ZNF48: variants seen among roughly 807,000 people sequenced by gnomAD.
The protein encoded by ZNF48 is zinc finger protein 48.
Under a neutral mutation model 40.0 loss-of-function variants are expected in ZNF48, and 20 were observed. The ratio of observed to expected loss-of-function variants is 0.50; its 90% CI spans 0.35 to 0.73. The LOEUF is 0.73. ZNF48 is among the 30% of genes least tolerant of loss of function. ZNF48 has a pLI of 0.01. For synonymous variants in ZNF48, 298 were observed against 329.7 expected (o/e 0.90, Z 1.04); for missense variants, 726 against 851.9 (o/e 0.85, Z 1.84).
At chr16:30,380,818 C>T in intron 1 of ZNF48, 1 of 401,580 alleles carries the variant, frequency 2.5e-6, no homozygotes, top group Non-Finnish European at 4.6e-6. Context: ...TAAGCAGAAA[C>T]AGTGGGAAAG....
At position 30,383,557 on chromosome 16, in the gene ZNF48, A is replaced by C. The variant is rs563593095; in HGVS notation, c.-16+5147A>C. Among the ~76,000 whole-genome samples the C allele has an allele frequency of 3.0e-3, 454 of 152,316 alleles. 2 individuals carry two copies. The highest frequency in any genetic ancestry group is 4.6e-3 in the Non-Finnish European group (316 of 68,022). On this transcript the variant is annotated intron_variant, in intron 1 of 2. Coordinates refer to the ZNF48 transcript ENST00000528032. ...CCATGATGGGATTGGGAGTGGGTGA[A>C]GCCATACATTTTCCAGCTCAGACAA...
chr16:30,381,893 G>T lies in ZNF48; in HGVS notation c.-16+3483G>T, dbSNP rs768062058. Reference sequence around the variant, plus strand: ...GTCTGTGTCAAGCGAGCTGTGGGATGGGGGAGAGGTCAGGGATCCGGGGAG... The same window carrying T: ...GTCTGTGTCAAGCGAGCTGTGGGATTGGGGAGAGGTCAGGGATCCGGGGAG... On this transcript the variant is annotated intron_variant, in intron 1 of 2. Coordinates refer to the ZNF48 transcript ENST00000528032. The surrounding 1 kb of genome is among the most constrained non-coding windows in gnomAD (Gnocchi z 4.3). The T allele has an allele frequency of 3.7e-6, 6 of 1,613,862 alleles. No individual in the cohort carries two copies. The highest frequency in any genetic ancestry group is 5.1e-6 in the Non-Finnish European group (6 of 1,179,970).
At chr16:30,378,570 C>T in intron 1 of ZNF48, 1 of 1,608,670 alleles carries the variant, frequency 6.2e-7, no homozygotes. Flanking sequence ...CAGAGGGGGA[C>T]CTGGGGCATC....
intron 1 of ZNF48, among the ~76,000 whole-genome samples, chr16:30,385,258 T>C (rs898608461): frequency 6.6e-6 from 1 of 151,694 alleles, no homozygotes; most frequent in African/African-American, 2.4e-5. Flanking sequence ...GGGATCATGT[T>C]ACCTCTCAGC....
At position 30,398,519 on chromosome 16, in the gene ZNF48, T is replaced by C; in HGVS notation, c.1269T>C (p.Pro423=). The C allele has an allele frequency of 1.3e-6, 2 of 1,597,168 alleles. No homozygotes were observed. The highest frequency in any genetic ancestry group is 8.5e-7 in the Non-Finnish European group (1 of 1,172,000). Residue 423 remains proline (P), a synonymous_variant, in exon 3 of 3, where the codon CCT becomes CCC. Coordinates refer to ENST00000613509, the MANE Select transcript of ZNF48 (RefSeq NM_001214909.2). The surrounding 1 kb of genome is among the most constrained non-coding windows in gnomAD (Gnocchi z 6.6). ...TPRSPSHSGE[P]FGLPGLEPEP... ...GAAGTCCCTCACACTCGGGTGAGCC[T>C]TTTGGCCTGCCTGGCTTGGAGCCAG...
chr16:30,398,020 C>T lies in ZNF48; in HGVS notation c.770C>T (p.Pro257Leu), dbSNP rs1486016907. ...CGACCAGTGGTGCCCCGACGGCAGC[C>T]ATCTCGGGCAGCCACGGCAGCTACC... Reference protein sequence around the residue: ...PPRPVVPRRQPSRAATAATQG... With the variant: ...PPRPVVPRRQLSRAATAATQG... Residue 257 changes from proline to leucine, a missense_variant, in exon 3 of 3, where the codon CCA (proline) becomes CTA (leucine). Pro to Leu is a moderately conservative substitution (Grantham distance 98). Transcript: ENST00000613509. This position sits in a 1 kb window ranked among gnomAD's most constrained non-coding sequence, Gnocchi z 6.6. 21 of 1,612,694 alleles carry T rather than the reference C, an allele frequency of 1.3e-5. No individual in the cohort carries two copies. The highest frequency in any genetic ancestry group is 1.7e-5 in the Non-Finnish European group (20 of 1,179,276).
intron 1 of ZNF48, among the ~76,000 whole-genome samples, chr16:30,387,429 C>G (rs2049910580): frequency 6.8e-6 from 1 of 147,352 alleles, no homozygotes; most frequent in South Asian, 2.1e-4. Flanking sequence ...GTGGCGCATG[C>G]CTGTAATCCC....
At chr16:30,395,393 G>T (rs781019897), upstream of ZNF48, 4 of 393,276 alleles carry the variant, frequency 1.0e-5, no homozygotes, top group South Asian at 7.0e-5. This position sits in a 1 kb window ranked among gnomAD's most constrained non-coding sequence, Gnocchi z 5.9. Flanking sequence ...GAGCGGCTCC[G>T]TGCGGCCCCG....
At position 30,398,248 on chromosome 16, in the gene ZNF48, G is replaced by C; in HGVS notation, c.998G>C (p.Cys333Ser). 6.2e-7 allele frequency: 1 copy of C among 1,613,468 alleles called. No homozygotes were observed. Among genetic ancestry groups the C allele is most frequent in the Non-Finnish European group, 8.5e-7 (1 of 1,180,022 alleles). Residue 333 changes from cysteine to serine, a missense_variant, in exon 3 of 3, where the codon TGC becomes TCC. By Grantham distance (112) the Cys-to-Ser change is moderately radical. Around this residue, in one of 5 missense-constraint regions of ZNF48, gnomAD observed 378 missense variants for 449.1 expected, o/e 0.84. Coordinates refer to ENST00000613509, the MANE Select transcript of ZNF48 (RefSeq NM_001214909.2). The surrounding 1 kb of genome is among the most constrained non-coding windows in gnomAD (Gnocchi z 6.6). The stretch of plus-strand genomic sequence containing the variant: ...CACACGGGTGAGAAGCCCTACCTCT[G>C]CCCAGAGTGCGGCAAAGGTTTCGCG... ...RVHTGEKPYLCPECGKGFADS... is the reference protein window; with the variant it reads ...RVHTGEKPYLSPECGKGFADS...
At chr16:30,379,242 G>C in intron 1 of ZNF48, 1 of 1,594,602 alleles carries the variant, frequency 6.3e-7, no homozygotes, top group South Asian at 1.1e-5. Context: ...CAACCCACCC[G>C]TAAGGGTCGG....
chr16:30,388,256 G>A (rs570567252), intron 1 of ZNF48, among the ~76,000 whole-genome samples: 5 of 152,196 alleles, frequency 3.3e-5, no homozygotes, highest in Admixed American at 2.0e-4. Context: ...TTACAGGTGT[G>A]AGCCACCACG....
Position 30,390,359 on chromosome 16 carries a change from C to T in ZNF48, c.-15-5421C>T, listed in dbSNP as rs533045127. 7.2e-5 allele frequency among the ~76,000 whole-genome samples: 11 copies of T among 152,152 alleles called. No individual in the cohort carries two copies. In the East Asian group the frequency reaches 2.1e-3, roughly 29 times the overall value. On this transcript the variant is annotated intron_variant, in intron 1 of 2. Coordinates refer to the ZNF48 transcript ENST00000528032. ...CAAATGCCCAGTACCTGATGGATACCCAGGAAATGTTTGTGGAACAAATGA... is the reference window on the plus strand; with the variant it reads ...CAAATGCCCAGTACCTGATGGATACTCAGGAAATGTTTGTGGAACAAATGA...
Position 30,382,321 on chromosome 16 carries a change from G to T in ZNF48, c.-16+3911G>T, listed in dbSNP as rs748260170. 3 of 1,613,862 alleles carry T rather than the reference G, an allele frequency of 1.9e-6. No individual in the cohort carries two copies. In the Admixed American group the frequency reaches 5.0e-5, roughly 27 times the overall value. On this transcript the variant is annotated intron_variant, in intron 1 of 2. Transcript: ENST00000528032. The surrounding 1 kb of genome is among the most constrained non-coding windows in gnomAD (Gnocchi z 4.8). ...CAAACCCCTTCTTGACAGACTTGCG[G>T]TGCAGCTGGTTGGGGAGGGCAGCAA...
In ZNF48 at chr16:30,381,050, T is replaced by A. The variant is rs1209938153; in HGVS notation, c.-16+2640T>A. On this transcript the variant is annotated intron_variant, in intron 1 of 2. Coordinates refer to the ZNF48 transcript ENST00000528032. This position sits in a 1 kb window ranked among gnomAD's most constrained non-coding sequence, Gnocchi z 4.3. Reference sequence around the variant, plus strand: ...ATGCACCATGCTCCAGAAAGGCCACTTCAAGATCAAAGAAGTCTAAGCTGA... The same window carrying A: ...ATGCACCATGCTCCAGAAAGGCCACATCAAGATCAAAGAAGTCTAAGCTGA... The A allele has an allele frequency of 8.3e-7, 1 of 1,211,896 alleles. No individual in the cohort carries two copies. Among genetic ancestry groups the A allele is most frequent in the Non-Finnish European group, 1.2e-6 (1 of 814,394 alleles). 75.1% of individuals were successfully genotyped at this position (1,211,896 alleles called of 1,614,324 possible).
rs746448381 is a variant in ZNF48 at position 30,387,242 on chromosome 16, C to CT, written c.-15-8522dup. ...ACAGGCGTGAGCCACCGCGCCCGGC[C>CT]TTTTTTTTTTTTTTTTAAAGACAGT... On this transcript the variant is annotated intron_variant, in intron 1 of 2. Transcript: ENST00000528032. Among the ~76,000 whole-genome samples, 177 of 132,916 alleles carry CT rather than the reference C, an allele frequency of 1.3e-3. 1 individual carries two copies. The highest frequency in any genetic ancestry group is 2.0e-3 in the African/African-American group (73 of 36,958). The allele number at this position is 132,916 out of a possible 152,430, so 87.2% of individuals were successfully genotyped here. A position where few individuals can be genotyped will look rare whatever the true frequency, so the allele number is the denominator to read the frequency against.
chr16:30,395,405 G>C (rs2049972444), upstream of ZNF48: 2 of 374,082 alleles, frequency 5.3e-6, no homozygotes, highest in East Asian at 1.4e-4. This position sits in a 1 kb window ranked among gnomAD's most constrained non-coding sequence, Gnocchi z 5.9. Context: ...GCGGCCCCGC[G>C]CTTCCGCTTC....
upstream of ZNF48, among the ~76,000 whole-genome samples, chr16:30,394,131 A>C (rs566592955): frequency 6.6e-6 from 1 of 151,812 alleles, no homozygotes; most frequent in Non-Finnish European, 1.5e-5. Flanking sequence ...TTGAATGCCC[A>C]GGTTCAGGGA....
At chr16:30,379,017 C>T in intron 1 of ZNF48, 5 of 1,612,690 alleles carry the variant, frequency 3.1e-6, no homozygotes, top group Non-Finnish European at 4.2e-6. Flanking sequence ...CCGGGTCTCA[C>T]CTGCGGCTGG....
chr16:30,385,176 AAAT>A (rs71149012), intron 1 of ZNF48, among the ~76,000 whole-genome samples: 28,844 of 140,546 alleles, frequency 0.21, 3,245 homozygotes, highest in African/African-American at 0.26. Flanking sequence ...ACTCTTTCTC[AAAT>A]AATAATAATA....
Sources: allele counts gnomAD v4.1 joint callset (sites outside exome capture counted in the v4.1 genomes callset), GRCh38; gene constraint gnomAD v4.1.1; regional missense constraint gnomAD v4.1.1; non-coding constraint Gnocchi (gnomAD v3.1); transcripts MANE v1.5; gene names NCBI Gene and HGNC (gene_info 2026-07-23, HGNC 2026-07-21).